The following COL4A3 variants were observed in gnomAD, a reference collection of about 807,000 sequenced individuals.
The protein encoded by COL4A3 is collagen alpha-3(IV) chain.
In COL4A3, 135 loss-of-function variants were observed where a neutral mutation model predicts 217.4. The ratio of observed to expected loss-of-function variants is 0.62; its 90% confidence interval spans 0.54 to 0.72. The LOEUF (loss-of-function observed/expected upper bound fraction) is 0.72. Ranked by LOEUF, COL4A3 falls within the 30% of genes least tolerant of loss-of-function variation. The pLI is 0.00. For synonymous variants in COL4A3, 690 were observed against 736.3 expected (o/e 0.94, Z 1.02); for missense variants, 1,868 against 2,119.9 (o/e 0.88, Z 2.33).
intron 1 of COL4A3, among the ~76,000 whole-genome samples, chr2:227,188,505 C>A (rs763916134): frequency 1.3e-5 from 2 of 151,734 alleles, no homozygotes; most frequent in African/African-American, 4.8e-5. Context: ...ACTTCTCCCC[C>A]ACTCCATCTC....
rs144021543 is a variant in COL4A3 at position 227,290,479 on chromosome 2, G to A, written c.3071-268G>A. On this transcript the variant is annotated intron_variant, in intron 36 of 51. Coordinates refer to ENST00000396578, the MANE Select transcript of COL4A3 (RefSeq NM_000091.5). Reference sequence around the variant, plus strand: ...CACGCTGCTGCACTCCAGCATGGGCGACAGAGTGAGACTCCATCTCAAAAA... The same window carrying A: ...CACGCTGCTGCACTCCAGCATGGGCAACAGAGTGAGACTCCATCTCAAAAA... Among the ~76,000 whole-genome samples, 501 of 152,114 alleles carry A rather than the reference G, an allele frequency of 3.3e-3. No homozygotes were observed. The highest frequency in any genetic ancestry group is 0.011 in the African/African-American group (476 of 41,482).
chr2:227,220,166 T>TGTGTG (rs528091209), intron 1 of COL4A3, among the ~76,000 whole-genome samples: 115 of 115,108 alleles, frequency 1.0e-3, no homozygotes, highest in African/African-American at 3.2e-3. Flanking sequence ...GTGTGTGTGT[T>TGTGTG]TCAGAGACAA....
chr2:227,269,632 T>C (rs1186104360), intron 23 of COL4A3, among the ~76,000 whole-genome samples: 2 of 152,190 alleles, frequency 1.3e-5, no homozygotes, highest in African/African-American at 2.4e-5. Context: ...ATAATGAGCA[T>C]ATATTACTTT....
In COL4A3 at chr2:227,308,993, TTCA is replaced by T; in HGVS notation, c.4559_4561del (p.Ser1520del). 6.2e-7 allele frequency: 1 copy of T among 1,614,236 alleles called. No individual in the cohort carries two copies. The highest frequency in any genetic ancestry group is 8.5e-7 in the Non-Finnish European group (1 of 1,180,036). On this transcript the variant is annotated inframe_deletion, in exon 49 of 52. Transcript: ENST00000396578. Reference sequence around the variant, plus strand: ...GTAATTTTGCATCTCGAAATGATTATTCATACTGGCTGTCAACACCAGCTCTGA... The same window carrying T: ...GTAATTTTGCATCTCGAAATGATTATTACTGGCTGTCAACACCAGCTCTGA...
intron 1 of COL4A3, among the ~76,000 whole-genome samples, chr2:227,188,720 G>A (rs1364550521): frequency 1.3e-5 from 2 of 152,160 alleles, no homozygotes; most frequent in Non-Finnish European, 2.9e-5. Context: ...CATGTATATG[G>A]TATTATGTGT....
intron 25 of COL4A3, among the ~76,000 whole-genome samples, chr2:227,271,662 G>A (rs1482805951): frequency 6.6e-6 from 1 of 151,880 alleles, no homozygotes; most frequent in Non-Finnish European, 1.5e-5. Flanking sequence ...AGTAGAGACG[G>A]GGTTTCACCA....
Position 227,312,200 on chromosome 2 carries a change from G to T in COL4A3, c.*330G>T. ...GAATGCTGCAAGTTATGAAATATTT[G>T]GCCCGCTGGATTCCCACATTTGTCT... On this transcript the variant is annotated 3_prime_UTR_variant, in exon 52 of 52. Transcript: ENST00000396578. 1 of 269,134 alleles carries T rather than the reference G, an allele frequency of 3.7e-6. No individual in the cohort carries two copies. Among genetic ancestry groups the T allele is most frequent in the Non-Finnish European group, 7.3e-6 (1 of 137,564 alleles). 16.7% of individuals were successfully genotyped at this position (269,134 alleles called of 1,614,324 possible).
chr2:227,235,636 C>T (rs1321602511), intron 1 of COL4A3, among the ~76,000 whole-genome samples: 10 of 152,196 alleles, frequency 6.6e-5, no homozygotes, highest in African/African-American at 7.2e-5. Context: ...CATTCTTATG[C>T]CTTTGTGTAC....
At chr2:227,289,654 C>T (rs535259376) in intron 35 of COL4A3, among the ~76,000 whole-genome samples, 5 of 152,284 alleles carry the variant, frequency 3.3e-5, no homozygotes, top group African/African-American at 1.2e-4. Context: ...CTACAACCAT[C>T]TCAGTAACAA....
chr2:227,185,140 T>A (rs775845856), intron 1 of COL4A3, among the ~76,000 whole-genome samples: 7 of 152,162 alleles, frequency 4.6e-5, no homozygotes, highest in Non-Finnish European at 7.3e-5. Flanking sequence ...GACCTCGTGA[T>A]CTGCCCTCCT....
intron 21 of COL4A3, 45 bp downstream of exon 21, chr2:227,263,989 A>C: frequency 6.2e-7 from 1 of 1,611,288 alleles, no homozygotes; most frequent in Non-Finnish European, 8.5e-7. Context: ...GTGCCAAATG[A>C]CAGATGTGTG....
In COL4A3 at chr2:227,272,935, T is replaced by C. The variant is rs1191611258; in HGVS notation, c.1759-14T>C. ...GGAATGAAGCACGATTCAAACACAT[T>C]CCTGTTGTCACAGGCTCTGAGTGGT... On this transcript the variant is annotated splice_polypyrimidine_tract_variant and intron_variant, in intron 25 of 51. Transcript: ENST00000396578. 6.2e-7 allele frequency: 1 copy of C among 1,613,530 alleles called. No homozygotes were observed. Among genetic ancestry groups the C allele is most frequent in the South Asian group, 1.1e-5 (1 of 91,060 alleles).
intron 1 of COL4A3, among the ~76,000 whole-genome samples, chr2:227,212,325 C>A (rs2067357994): frequency 6.6e-6 from 1 of 151,954 alleles, no homozygotes; most frequent in Non-Finnish European, 1.5e-5. Flanking sequence ...TATGTTTTTG[C>A]ATCTTTTTAA....
intron 23 of COL4A3, among the ~76,000 whole-genome samples, chr2:227,269,442 A>T (rs1473217060): frequency 6.6e-6 from 1 of 152,200 alleles, no homozygotes; most frequent in Non-Finnish European, 1.5e-5. Flanking sequence ...TTTAAAATGA[A>T]GCTATAAATT....
chr2:227,295,421 G>A, intron 41 of COL4A3, 105 bp downstream of exon 41: 1 of 952,560 alleles, frequency 1.0e-6, no homozygotes, highest in Non-Finnish European at 1.7e-6. Context: ...AATTAAAGAT[G>A]TTCCAATAGT....
At chr2:227,226,303 C>T (rs2068087376) in intron 1 of COL4A3, among the ~76,000 whole-genome samples, 1 of 152,106 alleles carries the variant, frequency 6.6e-6, no homozygotes, top group African/African-American at 2.4e-5. Context: ...ATTGTATTCC[C>T]TGTGTCCCCC....
At chr2:227,183,253 C>T (rs1010385301) in intron 1 of COL4A3, among the ~76,000 whole-genome samples, 1 of 152,158 alleles carries the variant, frequency 6.6e-6, no homozygotes, top group Non-Finnish European at 1.5e-5. Flanking sequence ...CCATAGCAAA[C>T]CATGTCCCAT....
intron 1 of COL4A3, among the ~76,000 whole-genome samples, chr2:227,176,453 C>T (rs564856994): frequency 1.1e-4 from 16 of 152,256 alleles, no homozygotes; most frequent in African/African-American, 2.9e-4. Flanking sequence ...CTTTAAAACT[C>T]GTAACCTTCA....
At chr2:227,305,942 C>T (rs1201509392) in intron 47 of COL4A3, among the ~76,000 whole-genome samples, 1 of 152,058 alleles carries the variant, frequency 6.6e-6, no homozygotes, top group African/African-American at 2.4e-5. Flanking sequence ...CTCAGATCTA[C>T]TATATTAAAA....
Sources: gnomAD v4.1 joint callset for allele counts (sites outside exome capture counted in the v4.1 genomes callset) on GRCh38, gnomAD v4.1.1 for gene constraint, MANE v1.5 for transcripts, NCBI Gene and HGNC (gene_info 2026-07-23, HGNC 2026-07-21) for gene names.